The following PLXNC1 variants were observed in gnomAD, a reference collection of about 807,000 sequenced individuals.
PLXNC1 encodes the protein plexin C1.
Under a neutral mutation model 178.2 loss-of-function variants are expected in PLXNC1, and 75 were observed. The ratio of observed to expected loss-of-function variants is 0.42; its 90% CI spans 0.35 to 0.51. The LOEUF is 0.51. Among genes scored for constraint, PLXNC1 ranks in the 20% least tolerant of loss-of-function variants. PLXNC1 has a pLI of 0.02. For missense variants in PLXNC1, 1,503 were observed against 1,984.4 expected, an observed-to-expected ratio of 0.76 and a Z score of 4.61; for synonymous variants, 790 against 779.9, an observed-to-expected ratio of 1.01 and a Z score of -0.22.
In PLXNC1 at chr12:94,251,536, C is replaced by A. The variant is rs561460527; in HGVS notation, c.2881+8C>A. 41 of 1,555,262 alleles carry A rather than the reference C, an allele frequency of 2.6e-5. No individual in the cohort carries two copies. In the South Asian group the frequency reaches 4.2e-4, roughly 16 times the overall value. On this transcript the variant is annotated splice_region_variant and intron_variant, in intron 15 of 30. Coordinates refer to ENST00000258526, the MANE Select transcript of PLXNC1 (RefSeq NM_005761.3). ...TAGTGATTGTCATTTTTGGTAAGTG[C>A]CCTGTTTAATTTTGTCAGAGAAATT... is the stretch of plus-strand genomic sequence containing the variant.
chr12:94,174,351 AT>A (rs1399869892), intron 2 of PLXNC1, among the ~76,000 whole-genome samples: 1 of 151,396 alleles, frequency 6.6e-6, no homozygotes, highest in Non-Finnish European at 1.5e-5. Context: ...CACCTGGCTA[AT>A]TTTTTTGTAT....
chr12:94,177,117 ATGTG>A (rs1239498028), intron 2 of PLXNC1, among the ~76,000 whole-genome samples: 190 of 97,874 alleles, frequency 1.9e-3, no homozygotes, highest in African/African-American at 5.6e-3. Flanking sequence ...GTGTGTATAT[ATGTG>A]TGTGTGTGTA....
intron 4 of PLXNC1, among the ~76,000 whole-genome samples, chr12:94,198,409 G>A (rs1356714979): frequency 2.0e-5 from 3 of 152,104 alleles, no homozygotes; most frequent in South Asian, 2.1e-4. Flanking sequence ...CCTAGTTGAT[G>A]AGTTGATAGG....
intron 15 of PLXNC1, among the ~76,000 whole-genome samples, chr12:94,253,323 A>G (rs1036055111): frequency 6.6e-6 from 1 of 150,490 alleles, no homozygotes; most frequent in Non-Finnish European, 1.5e-5. Flanking sequence ...GTCTCCTTCT[A>G]TACACTCATT....
chr12:94,243,982 T>C lies in PLXNC1; in HGVS notation c.2345T>C (p.Ile782Thr), dbSNP rs1460033196. ...ATGATGGGCAGAAATTTTGATGTAA[T>C]TGACAACTTAATCATTTCACATGAA... ...ITMMGRNFDV[I>T]DNLIISHELK... Residue 782 changes from isoleucine (I) to threonine (T), a missense_variant, in exon 12 of 31, where the codon ATT becomes ACT. Ile to Thr is a moderately conservative substitution (Grantham distance 89, BLOSUM62 -1). Transcript: ENST00000258526. The C allele has an allele frequency of 3.1e-6, 5 of 1,600,200 alleles. No homozygotes were observed. The highest frequency in any genetic ancestry group is 3.3e-5 in the Admixed American group (2 of 59,846).
At chr12:94,201,430 CATATA>C (rs1454790164) in intron 4 of PLXNC1, among the ~76,000 whole-genome samples, 1 of 152,134 alleles carries the variant, frequency 6.6e-6, no homozygotes, top group South Asian at 2.1e-4. Context: ...TCCATTTTCC[CATATA>C]ATATAATAAT....
At chr12:94,178,424 C>G (rs143421864) in intron 2 of PLXNC1, among the ~76,000 whole-genome samples, 2,857 of 152,238 alleles carry the variant, frequency 0.019, 40 homozygotes, top group Non-Finnish European at 0.027. Context: ...TTCTCTTGAC[C>G]CTTCCTTGAT....
At chr12:94,296,635 C>T (rs1388305142) in intron 24 of PLXNC1, among the ~76,000 whole-genome samples, 3 of 152,206 alleles carry the variant, frequency 2.0e-5, no homozygotes, top group Non-Finnish European at 2.9e-5. Flanking sequence ...TACCTTTGGA[C>T]CTTCCTGCAA....
At chr12:94,156,349 C>T (rs1257828914) in intron 1 of PLXNC1, among the ~76,000 whole-genome samples, 1 of 152,162 alleles carries the variant, frequency 6.6e-6, no homozygotes, top group Non-Finnish European at 1.5e-5. Context: ...CCTTAGTCTC[C>T]CTGTTAACAT....
intron 23 of PLXNC1, among the ~76,000 whole-genome samples, chr12:94,285,505 A>G (rs1430839958): frequency 6.6e-6 from 1 of 152,204 alleles, no homozygotes; most frequent in East Asian, 1.9e-4. Flanking sequence ...TCACTCTCCT[A>G]TAGCTCAGAC....
Position 94,186,429 on chromosome 12 carries a change from A to T in PLXNC1, c.1395A>T (p.Leu465Phe). The change falls in exon 4 of 31, where the codon TTA becomes TTT. Residue 465 changes from leucine (L) to phenylalanine (F), a missense_variant. Physicochemically the swap from Leu to Phe is conservative, Grantham distance 22 (BLOSUM62 0). Transcript: ENST00000258526. ...CNKHKSCSEC[L>F]TATDPHCGWC... The stretch of plus-strand genomic sequence containing the variant: ...AACATAAATCCTGTTCGGAGTGTTT[A>T]ACAGCCACAGACCCTCACTGCGGTT... 6.2e-7 allele frequency: 1 copy of T among 1,613,982 alleles called. No individual in the cohort carries two copies. The highest frequency in any genetic ancestry group is 8.5e-7 in the Non-Finnish European group (1 of 1,179,804).
At chr12:94,200,247 G>T (rs1382431267) in intron 4 of PLXNC1, among the ~76,000 whole-genome samples, 1 of 152,152 alleles carries the variant, frequency 6.6e-6, no homozygotes, top group Non-Finnish European at 1.5e-5. Flanking sequence ...TAATGGAATA[G>T]ATTTTTTTGA....
intron 20 of PLXNC1, among the ~76,000 whole-genome samples, chr12:94,261,762 T>C (rs1964994209): frequency 6.6e-6 from 1 of 152,240 alleles, no homozygotes; most frequent in Non-Finnish European, 1.5e-5. Flanking sequence ...TACACTGCTA[T>C]GCCACAGGTT....
At chr12:94,275,905 T>C (rs1229624055) in intron 21 of PLXNC1, among the ~76,000 whole-genome samples, 1 of 145,058 alleles carries the variant, frequency 6.9e-6, no homozygotes, top group East Asian at 2.0e-4. Context: ...GAGCACTAAG[T>C]GTTAGCAGCA....
chr12:94,223,380 A>G (rs948393867), intron 6 of PLXNC1, among the ~76,000 whole-genome samples: 5 of 152,242 alleles, frequency 3.3e-5, no homozygotes, highest in African/African-American at 9.6e-5. Context: ...GAAAGGTGCT[A>G]TTCTGTGTTG....
intron 1 of PLXNC1, among the ~76,000 whole-genome samples, chr12:94,152,990 C>A (rs1961014962): frequency 6.6e-6 from 1 of 152,232 alleles, no homozygotes; most frequent in South Asian, 2.1e-4. Flanking sequence ...TTAACTGCAG[C>A]TCTCAAATGT....
At chr12:94,210,297 A>G (rs1476732885) in intron 5 of PLXNC1, among the ~76,000 whole-genome samples, 2 of 152,340 alleles carry the variant, frequency 1.3e-5, no homozygotes, top group South Asian at 2.1e-4. Context: ...CAGTCCTGTC[A>G]TTGGATGAGA....
intron 23 of PLXNC1, among the ~76,000 whole-genome samples, chr12:94,290,446 A>G (rs1350656386): frequency 6.6e-6 from 1 of 152,264 alleles, no homozygotes; most frequent in Non-Finnish European, 1.5e-5. Context: ...GAGCTCAGTA[A>G]GAGTTAAGAA....
intron 11 of PLXNC1, among the ~76,000 whole-genome samples, chr12:94,243,512 T>C (rs1360280348): frequency 6.6e-6 from 1 of 152,224 alleles, no homozygotes; most frequent in African/African-American, 2.4e-5. Context: ...AACATACCAT[T>C]GGTAGGTTAG....
Sources: gnomAD v4.1 joint callset for allele counts (sites outside exome capture counted in the v4.1 genomes callset) on GRCh38, gnomAD v4.1.1 for gene constraint, MANE v1.5 for transcripts, NCBI Gene and HGNC (gene_info 2026-07-23, HGNC 2026-07-21) for gene names.